ISL2: variants seen among roughly 807,000 people sequenced by gnomAD.
ISL2 encodes insulin gene enhancer protein ISL-2.
In ISL2, 17 loss-of-function variants were observed where a neutral mutation model predicts 34.6. That is an observed-to-expected ratio of 0.49 (90% CI 0.34 to 0.74). ISL2 has a LOEUF of 0.74. Ranked by LOEUF, ISL2 falls within the 30% of genes least tolerant of loss-of-function variation. The pLI is 0.01. For missense variants in ISL2, 469 were observed against 515.2 expected, an observed-to-expected ratio of 0.91 and a Z score of 0.87; for synonymous variants, 232 against 225.5, an observed-to-expected ratio of 1.03 and a Z score of -0.26.
At chr15:76,339,746 CAT>C in intron 3 of ISL2, 1 of 989,382 alleles carries the variant, frequency 1.0e-6, no homozygotes, top group Non-Finnish European at 1.2e-6. Context: ...GTCTTCTACA[CAT>C]GTGGCCTGGC....
intron 3 of ISL2, chr15:76,339,279 C>G: frequency 1.0e-6 from 1 of 984,530 alleles, no homozygotes; most frequent in Non-Finnish European, 1.2e-6. Context: ...CCGCTCCTCC[C>G]CTCTCTGGAT....
Position 76,337,676 on chromosome 15 carries a change from A to T in ISL2, c.59-102A>T, listed in dbSNP as rs527963412. The stretch of plus-strand genomic sequence containing the variant: ...CCTTATGGTCGCAAGTCTTGAAAGA[A>T]AGAGCAAGAGAGCGAGCGGGTTGGG... On this transcript the variant is annotated intron_variant, in intron 1 of 5. Transcript: ENST00000290759. 6 of 1,036,304 alleles carry T rather than the reference A, an allele frequency of 5.8e-6. No homozygotes were observed. The South Asian group carries it at 1.0e-4, about 18-fold the overall frequency. The allele number at this position is 1,036,304 out of a possible 1,614,324, so 64.2% of individuals were successfully genotyped here.
rs1225175055 is a variant in ISL2 at position 76,336,914 on chromosome 15, C to T, written c.31C>T (p.Leu11=). Residue 11 remains leucine, a synonymous_variant, in exon 1 of 6, where the codon CTG becomes TTG. Transcript: ENST00000290759. MVDIIFHYPF[L]GAMGDHSKKK... ...GGATATTATTTTTCATTATCCTTTTCTGGGTGCTATGGGTGATCATTCCAA... is the reference window on the plus strand; with the variant it reads ...GGATATTATTTTTCATTATCCTTTTTTGGGTGCTATGGGTGATCATTCCAA... 6.2e-7 allele frequency: 1 copy of T among 1,613,124 alleles called. No individual in the cohort carries two copies. The highest frequency in any genetic ancestry group is 1.1e-5 in the South Asian group (1 of 91,062).
chr15:76,338,142 G>T (rs2040166568), intron 2 of ISL2, 110 bp from the exon 3 acceptor site: 1 of 1,408,746 alleles, frequency 7.1e-7, no homozygotes, highest in Non-Finnish European at 9.3e-7. Flanking sequence ...GGTCACCGCA[G>T]TCTCCTGGTG....
At position 76,341,785 on chromosome 15, in the gene ISL2, C is replaced by A; in HGVS notation, c.1030C>A (p.Gln344Lys). 2 of 1,613,944 alleles carry A rather than the reference C, an allele frequency of 1.2e-6. No homozygotes were observed. Among genetic ancestry groups the A allele is most frequent in the Non-Finnish European group, 1.7e-6 (2 of 1,180,016 alleles). ...CAGCGACGTGACCTCCCTGTCCTCG[C>A]AGCTCCCGGACACCCCCAACAGTAT... The part of the protein sequence containing the change: ...SGSDVTSLSS[Q>K]LPDTPNSMVP... The change falls in exon 6 of 6, where the codon CAG (glutamine) becomes AAG (lysine). Residue 344 changes from glutamine (Q) to lysine (K), a missense_variant. Physicochemically the swap from Gln to Lys is moderately conservative, Grantham distance 53. Transcript: ENST00000290759.
At chr15:76,340,838 A>G (rs2040187947) in intron 4 of ISL2, among the ~76,000 whole-genome samples, 1 of 152,238 alleles carries the variant, frequency 6.6e-6, no homozygotes, top group African/African-American at 2.4e-5. Flanking sequence ...AGCGCCCGCC[A>G]GTCGGGCTGG....
rs375665513 is a variant in ISL2, at chr15:76,336,976, G to C, written c.58+35G>C. ...TCTGTGTGTGTGTGGGGTGGGGTGT[G>C]TGTGTATGCTTAATATGCAAAATTT... On this transcript the variant is annotated intron_variant, in intron 1 of 5. Coordinates refer to ENST00000290759, the MANE Select transcript of ISL2 (RefSeq NM_145805.3). The C allele has an allele frequency of 4.1e-5, 64 of 1,559,972 alleles. No individual in the cohort carries two copies. The African/African-American group carries it at 8.2e-4, about 20-fold the overall frequency.
Position 76,341,321 on chromosome 15 carries a change from G to A in ISL2, c.963+20G>A. ...CAGCTGGTGAGGCCCTGCCCTACCC[G>A]CCCCGACCTCGGGACTCTGCGGGTT... is the stretch of plus-strand genomic sequence containing the variant. On this transcript the variant is annotated intron_variant, in intron 5 of 5. Coordinates refer to ENST00000290759, the MANE Select transcript of ISL2 (RefSeq NM_145805.3). 1.3e-6 allele frequency: 2 copies of A among 1,578,028 alleles called. No individual in the cohort carries two copies. Among genetic ancestry groups the A allele is most frequent in the Non-Finnish European group, 1.7e-6 (2 of 1,161,638 alleles).
At position 76,342,079 on chromosome 15, in the gene ISL2, C is replaced by G. The variant is rs754556425; in HGVS notation, c.*244C>G. ...TTTCAAAACCAGAATCTGGGACTTA[C>G]CAGGGTTAGCTCTGCCCTCTCCTCT... On this transcript the variant is annotated 3_prime_UTR_variant, in exon 6 of 6. Coordinates refer to ENST00000290759, the MANE Select transcript of ISL2 (RefSeq NM_145805.3). The G allele has an allele frequency of 6.7e-6, 3 of 444,992 alleles. No homozygotes were observed. Among genetic ancestry groups the G allele is most frequent in the African/African-American group, 6.0e-5 (3 of 50,054 alleles). The allele number at this position is 444,992 out of a possible 1,614,324, so 27.6% of individuals were successfully genotyped here. A position where few individuals can be genotyped will look rare whatever the true frequency, so the allele number is the denominator to read the frequency against.
chr15:76,338,314 G>A lies in ISL2; in HGVS notation c.311G>A (p.Arg104Lys), dbSNP rs757575883. The change falls in exon 3 of 6, where the codon AGG (arginine) becomes AAG (lysine). Residue 104 changes from arginine (R) to lysine (K), a missense_variant. Arg to Lys is a conservative substitution (Grantham distance 26). Around this residue, in one of 3 missense-constraint regions of ISL2, gnomAD observed 297 missense variants for 337.8 expected, o/e 0.88. Coordinates refer to ENST00000290759, the MANE Select transcript of ISL2 (RefSeq NM_145805.3). ...TTCAGCAGCAGCGACCTGGTGATGA[G>A]GGCGCGGGACAGCGTGTACCACATC... The part of the protein sequence containing the change: ...VGFSSSDLVM[R>K]ARDSVYHIEC... 94 of 1,584,428 alleles carry A rather than the reference G, an allele frequency of 5.9e-5. 1 individual carries two copies. The East Asian group carries it at 1.8e-3, about 30-fold the overall frequency.
At position 76,336,863 on chromosome 15, in the gene ISL2, T is replaced by C. The variant is rs752470112; in HGVS notation, c.-21T>C. The C allele has an allele frequency of 4.3e-6, 7 of 1,610,766 alleles. No homozygotes were observed. The African/African-American group carries it at 5.3e-5, about 12-fold the overall frequency. ...TCCTTCTGCCCCTGGCCGCACACTT[T>C]GCGCACATCTCTTTTTCTGCATGGT... On this transcript the variant is annotated 5_prime_UTR_variant, in exon 1 of 6. Transcript: ENST00000290759.
intron 4 of ISL2, 40 bp downstream of exon 4, chr15:76,340,599 G>GCTGCGCTTCCGCCGCGGTAT: frequency 1.3e-6 from 2 of 1,572,534 alleles, no homozygotes; most frequent in African/African-American, 2.7e-5. Flanking sequence ...TCGGGTGGGG[G>GCTGCGCTTCCGCCGCGGTAT]CTGCGCTTCC....
rs1466524682 is a variant in ISL2 at position 76,337,893 on chromosome 15, C to T, written c.174C>T (p.Cys58=). 1 of 1,612,740 alleles carries T rather than the reference C, an allele frequency of 6.2e-7. No homozygotes were observed. The highest frequency in any genetic ancestry group is 1.3e-5 in the African/African-American group (1 of 75,038). The change falls in exon 2 of 6, where the codon TGC becomes TGT. Residue 58 remains cysteine (C), a synonymous_variant. Transcript: ENST00000290759. ...WHAACLKCAE[C]SQYLDETCTC... is the part of the protein sequence containing the mutation. ...CGGCCTGCCTCAAGTGTGCCGAGTGCAGCCAGTACCTGGACGAGACGTGCA... is the reference window on the plus strand; with the variant it reads ...CGGCCTGCCTCAAGTGTGCCGAGTGTAGCCAGTACCTGGACGAGACGTGCA...
At chr15:76,337,670 G>C (rs1344859786) in intron 1 of ISL2, 108 bp from the exon 2 acceptor site, 6 of 997,962 alleles carry the variant, frequency 6.0e-6, no homozygotes, top group Non-Finnish European at 8.5e-6. Flanking sequence ...CGCAAGTCTT[G>C]AAAGAAAGAG....
At position 76,342,027 on chromosome 15, in the gene ISL2, A is replaced by G; in HGVS notation, c.*192A>G. On this transcript the variant is annotated 3_prime_UTR_variant, in exon 6 of 6. Transcript: ENST00000290759. ...ATGCAACCTGCTTTCACCAGACTGC[A>G]GACCCCTGCTCCGAGGACTCTTAGT... The G allele has an allele frequency of 1.7e-6, 1 of 581,170 alleles. No individual in the cohort carries two copies. The highest frequency in any genetic ancestry group is 3.1e-6 in the Non-Finnish European group (1 of 324,410). 36.0% of individuals were successfully genotyped at this position (581,170 alleles called of 1,614,324 possible).
chr15:76,339,049 G>T, intron 3 of ISL2: 1 of 985,352 alleles, frequency 1.0e-6, no homozygotes, highest in East Asian at 1.1e-4. Flanking sequence ...TTCTTCTGGG[G>T]GAGGGGGAGT....
rs1200617315 is a variant in ISL2, at chr15:76,340,413, G to C, written c.649G>C (p.Asp217His). 1.2e-6 allele frequency: 2 copies of C among 1,613,588 alleles called. No individual in the cohort carries two copies. The highest frequency in any genetic ancestry group is 1.7e-6 in the Non-Finnish European group (2 of 1,180,000). ...RTCYAANPRPDALMKEQLVEM... is the reference protein window; with the variant it reads ...RTCYAANPRPHALMKEQLVEM... ...CTGCTACGCCGCCAACCCGCGGCCC[G>C]ACGCTCTCATGAAGGAGCAGCTGGT... The change falls in exon 4 of 6, where the codon GAC becomes CAC. Residue 217 changes from aspartate (D) to histidine (H), a missense_variant. Physicochemically the swap from Asp to His is moderately conservative, Grantham distance 81. Coordinates refer to ENST00000290759, the MANE Select transcript of ISL2 (RefSeq NM_145805.3).
chr15:76,338,293 G>T lies in ISL2; in HGVS notation c.290G>T (p.Ser97Ile). 6.3e-7 allele frequency: 1 copy of T among 1,584,726 alleles called. No individual in the cohort carries two copies. ...TGCGCCAAGTGCCAGGTGGGCTTCA[G>T]CAGCAGCGACCTGGTGATGAGGGCG... ...IKCAKCQVGF[S>I]SSDLVMRARD... is the part of the protein sequence containing the mutation. Residue 97 changes from serine to isoleucine, a missense_variant, in exon 3 of 6, where the codon AGC (serine) becomes ATC (isoleucine). Around this residue, in one of 3 missense-constraint regions of ISL2, gnomAD observed 297 missense variants for 337.8 expected, o/e 0.88. Transcript: ENST00000290759.
In ISL2 at chr15:76,341,749, A is replaced by C; in HGVS notation, c.994A>C (p.Asn332His). Residue 332 changes from asparagine (N) to histidine (H), a missense_variant, in exon 6 of 6, where the codon AAC (asparagine) becomes CAC (histidine). Physicochemically the swap from Asn to His is moderately conservative, Grantham distance 68. This residue lies in a region of ISL2 where 169 missense variants were observed against 154.2 expected (regional missense o/e 1.10). Transcript: ENST00000290759. ...CTTCTCCGAGTCCGGCTCCCTAGGCAACTCCTCCGGCAGCGACGTGACCTC... is the reference window on the plus strand; with the variant it reads ...CTTCTCCGAGTCCGGCTCCCTAGGCCACTCCTCCGGCAGCGACGTGACCTC... ...VSFSESGSLGNSSGSDVTSLS... is the reference protein window; with the variant it reads ...VSFSESGSLGHSSGSDVTSLS... The C allele has an allele frequency of 6.2e-7, 1 of 1,613,736 alleles. No individual in the cohort carries two copies. The highest frequency in any genetic ancestry group is 8.5e-7 in the Non-Finnish European group (1 of 1,179,928).
Sources: gnomAD v4.1 joint callset for allele counts (sites outside exome capture counted in the v4.1 genomes callset) on GRCh38, gnomAD v4.1.1 for gene constraint, gnomAD v4.1.1 regional missense constraint, MANE v1.5 for transcripts, NCBI Gene and HGNC (gene_info 2026-07-23, HGNC 2026-07-21) for gene names.